Variants in ERMP1 observed in about 807,000 individuals in gnomAD.
ERMP1 encodes endoplasmic reticulum metallopeptidase 1, also known as Felix-ina.
In ERMP1, 86 loss-of-function variants were observed where a neutral mutation model predicts 92.0. The observed-to-expected ratio is 0.93, with a 90% CI of 0.79 to 1.12. The LOEUF (loss-of-function observed/expected upper bound fraction) is 1.12. ERMP1 is among the 50% of genes most tolerant of loss of function. ERMP1 has a pLI of 0.00. For missense variants in ERMP1, 1,342 were observed against 1,116.3 expected (o/e 1.20, Z -2.88); for synonymous variants, 530 against 412.8 (o/e 1.28, Z -3.44).
At chr9:5,832,531 A>G (rs1052875353) in intron 1 of ERMP1, 159 bp downstream of exon 1, 2 of 534,900 alleles carry the variant, frequency 3.7e-6, no homozygotes, top group South Asian at 3.1e-5. Flanking sequence ...ACCCCAGAAG[A>G]AGGACAAGCA....
At position 5,815,672 on chromosome 9, in the gene ERMP1, T is replaced by A. The variant is rs138411650; in HGVS notation, c.875-2637A>T. On this transcript the variant is annotated intron_variant, in intron 4 of 14. Transcript: ENST00000339450. ...TGCTAAAACTAGGATCAAAGTTTTA[T>A]GACAAACAGGATATTTACCTAAAGT... Among the ~76,000 whole-genome samples the A allele has an allele frequency of 2.6e-5, 4 of 152,194 alleles. No individual in the cohort carries two copies. The East Asian group carries it at 7.7e-4, about 29-fold the overall frequency.
intron 1 of ERMP1, among the ~76,000 whole-genome samples, chr9:5,831,793 T>C (rs778837069): frequency 1.3e-5 from 2 of 152,138 alleles, no homozygotes; most frequent in African/African-American, 4.8e-5. Context: ...CCTCCTAGCA[T>C]ACACCCAAGG....
In ERMP1 at chr9:5,854,861, T is replaced by G. The variant is rs532629387; in HGVS notation, n.3199+4607A>C. Among the ~76,000 whole-genome samples the G allele has an allele frequency of 2.6e-5, 4 of 152,312 alleles. No homozygotes were observed. The East Asian group carries it at 7.7e-4, about 29-fold the overall frequency. On this transcript the variant is annotated intron_variant and non_coding_transcript_variant, in intron 6 of 6. Coordinates refer to the ERMP1 transcript ENST00000690753. ...TACTTCTATACATAAGACAGGATCT[T>G]TCAACATTTATGTAGGTTAATATTT...
At chr9:5,788,091 T>C (rs2131193976) in intron 13 of ERMP1, among the ~76,000 whole-genome samples, 1 of 152,320 alleles carries the variant, frequency 6.6e-6, no homozygotes, top group Admixed American at 6.5e-5. Context: ...ACTGGGAACT[T>C]CCAAGGAAAC....
At chr9:5,812,239 A>C (rs1462528436) in intron 5 of ERMP1, 22 bp from the exon 6 acceptor site, 1 of 1,407,758 alleles carries the variant, frequency 7.1e-7, no homozygotes, top group Non-Finnish European at 9.7e-7. Context: ...ATATAGAAAA[A>C]AAAAAGTCAT....
intron 2 of ERMP1, 75 bp downstream of exon 2, chr9:5,830,652 C>T: frequency 8.0e-7 from 1 of 1,246,866 alleles, no homozygotes; most frequent in Non-Finnish European, 1.1e-6. Flanking sequence ...CACAATTGCC[C>T]AAGTAGCTTG....
chr9:5,833,998 G>C (rs1830047668), upstream of ERMP1, among the ~76,000 whole-genome samples: 1 of 152,172 alleles, frequency 6.6e-6, no homozygotes, highest in Non-Finnish European at 1.5e-5. Context: ...ATTAGCATGA[G>C]CATTAACCTA....
chr9:5,815,162 G>A (rs1005385001), intron 4 of ERMP1, among the ~76,000 whole-genome samples: 3 of 152,084 alleles, frequency 2.0e-5, no homozygotes, highest in Non-Finnish European at 4.4e-5. Flanking sequence ...TTCAAGCCAC[G>A]AATTCAAAAA....
chr9:5,859,368 C>T (rs1390933160), intron 6 of ERMP1, among the ~76,000 whole-genome samples: 1 of 152,108 alleles, frequency 6.6e-6, no homozygotes, highest in Admixed American at 6.5e-5. Context: ...TTACAAGAAC[C>T]ATATAGGATA....
chr9:5,831,117 CA>C (rs1317672288), intron 1 of ERMP1, 89 bp from the exon 2 acceptor site: 1 of 1,004,622 alleles, frequency 1.0e-6, no homozygotes, highest in Non-Finnish European at 1.5e-6. Context: ...CCTTCCTCCC[CA>C]AAAAAGCTTA....
rs1185908625 is a variant in ERMP1, at chr9:5,784,606, G to A, written c.*2538C>T. On this transcript the variant is annotated 3_prime_UTR_variant, in exon 15 of 15. Coordinates refer to ENST00000339450, the MANE Select transcript of ERMP1 (RefSeq NM_024896.3). The stretch of plus-strand genomic sequence containing the variant: ...CAGTTTATTTCAGTAACATTGTAAG[G>A]CAACAATTAATCCTCAGTAAGTCAG... 4 of 152,688 alleles carry A rather than the reference G, an allele frequency of 2.6e-5. No homozygotes were observed. The highest frequency in any genetic ancestry group is 3.9e-4 in the East Asian group (2 of 5,188). 9.5% of individuals were successfully genotyped at this position (152,688 alleles called of 1,614,324 possible).
In ERMP1 at chr9:5,832,930, G is replaced by A. The variant is rs757122204; in HGVS notation, c.98C>T (p.Ala33Val). Residue 33 changes from alanine (A) to valine (V), a missense_variant, in exon 1 of 15, where the codon GCC (alanine) becomes GTC (valine). Coordinates refer to ENST00000339450, the MANE Select transcript of ERMP1 (RefSeq NM_024896.3). ...AAAAPPPERE[A>V]RAQEPLVDGC... ...ATCCACCAGAGGCTCCTGCGCTCGG[G>A]CCTCCCTCTCCGGCGGTGGCGCGGC... is the stretch of plus-strand genomic sequence containing the variant. 28 of 1,561,576 alleles carry A rather than the reference G, an allele frequency of 1.8e-5. No homozygotes were observed. The East Asian group carries it at 6.2e-4, about 35-fold the overall frequency.
At chr9:5,815,710 G>C (rs930872837) in intron 4 of ERMP1, among the ~76,000 whole-genome samples, 2 of 151,950 alleles carry the variant, frequency 1.3e-5, no homozygotes, top group African/African-American at 4.8e-5. Context: ...CTATCACTAA[G>C]GGGAAATCAG....
At chr9:5,796,847 C>T (rs773799727) in intron 13 of ERMP1, among the ~76,000 whole-genome samples, 1 of 151,992 alleles carries the variant, frequency 6.6e-6, no homozygotes, top group Non-Finnish European at 1.5e-5. Context: ...CTACACAACA[C>T]GAAGAATGAA....
chr9:5,788,636 G>A (rs1828039664), intron 13 of ERMP1, among the ~76,000 whole-genome samples: 1 of 151,738 alleles, frequency 6.6e-6, no homozygotes, highest in Non-Finnish European at 1.5e-5. Flanking sequence ...ACAAAAATGA[G>A]GAAGAAAAGG....
chr9:5,821,371 G>A (rs369807343), intron 4 of ERMP1, among the ~76,000 whole-genome samples: 1 of 152,132 alleles, frequency 6.6e-6, no homozygotes. Flanking sequence ...ATCCAGCTAG[G>A]AGCATTATTA....
In ERMP1 at chr9:5,805,012, CTTA is replaced by C. The variant is rs983902540; in HGVS notation, c.1914+12_1914+14del. ...TAAAAAATGAAGAAAAAGAAAAAAACTTATTTTCTCTTACAAAATAGGACGAGA... is the reference window on the plus strand; with the variant it reads ...TAAAAAATGAAGAAAAAGAAAAAAACTTTTCTCTTACAAAATAGGACGAGA... On this transcript the variant is annotated intron_variant, in intron 10 of 14. Coordinates refer to ENST00000339450, the MANE Select transcript of ERMP1 (RefSeq NM_024896.3). The C allele has an allele frequency of 4.4e-6, 7 of 1,578,628 alleles. No individual in the cohort carries two copies. Among genetic ancestry groups the C allele is most frequent in the Non-Finnish European group, 6.0e-6 (7 of 1,166,002 alleles).
chr9:5,803,387 A>G (rs182015984), intron 10 of ERMP1, among the ~76,000 whole-genome samples: 3 of 152,318 alleles, frequency 2.0e-5, no homozygotes, highest in Admixed American at 6.5e-5. Context: ...AATTTAGATG[A>G]TAAGACACTT....
intron 5 of ERMP1, among the ~76,000 whole-genome samples, chr9:5,865,305 G>C (rs561217357): frequency 6.6e-6 from 1 of 151,446 alleles, no homozygotes; most frequent in African/African-American, 2.4e-5. Context: ...AGGAGATAGA[G>C]ACCATCCTGG....
Sources: allele counts gnomAD v4.1 joint callset (sites outside exome capture counted in the v4.1 genomes callset), GRCh38; gene constraint gnomAD v4.1.1; transcripts MANE v1.5; gene names NCBI Gene and HGNC (gene_info 2026-07-23, HGNC 2026-07-21).